The following GSE1 variants were observed in gnomAD, a reference collection of about 807,000 sequenced individuals.
GSE1 encodes Gse1 coiled-coil protein, also known as genetic suppressor element 1.
GSE1 carries 32 observed loss-of-function variants against 112.6 expected under a neutral mutation model. The observed-to-expected ratio is 0.28, with a 90% CI of 0.21 to 0.38. GSE1 has a LOEUF of 0.38. GSE1 is among the 10% of genes least tolerant of loss of function. GSE1 has a pLI of 1.00. For synonymous variants in GSE1, 1,115 were observed against 735.6 expected (o/e 1.52, Z -8.35); for missense variants, 2,348 against 1,699.2 (o/e 1.38, Z -6.71).
At chr16:85,570,347 C>T (rs1039186330) in intron 1 of GSE1, among the ~76,000 whole-genome samples, 4 of 152,172 alleles carry the variant, frequency 2.6e-5, no homozygotes, top group African/African-American at 7.2e-5. Context: ...GCCCTTGACC[C>T]GCCTCTGCCA....
At chr16:85,626,764 C>CGGGATCCGCGGGA (rs1158924621) in intron 1 of GSE1, among the ~76,000 whole-genome samples, 8 of 151,950 alleles carry the variant, frequency 5.3e-5, no homozygotes, top group African/African-American at 1.7e-4. Flanking sequence ...GCAGTAATTA[C>CGGGATCCGCGGGA]GGGATCCGCG....
intron 2 of GSE1, among the ~76,000 whole-genome samples, chr16:85,463,580 C>T (rs1045686403): frequency 2.0e-5 from 3 of 152,192 alleles, no homozygotes; most frequent in Non-Finnish European, 4.4e-5. Context: ...GGACTTCGTG[C>T]CCTCTTGCTT....
At chr16:85,328,067 C>T (rs751519058) in intron 1 of GSE1, among the ~76,000 whole-genome samples, 2 of 152,254 alleles carry the variant, frequency 1.3e-5, no homozygotes, top group South Asian at 2.1e-4. Context: ...GGCCTCTCCT[C>T]CTTATGTTGG....
intron 1 of GSE1, among the ~76,000 whole-genome samples, chr16:85,174,070 G>C (rs775091555): frequency 6.6e-6 from 1 of 152,214 alleles, no homozygotes; most frequent in Non-Finnish European, 1.5e-5. Context: ...CAGCTGCCTG[G>C]AGGAGGTGGA....
At chr16:85,349,130 T>A (rs551897676) in intron 1 of GSE1, among the ~76,000 whole-genome samples, 1 of 152,318 alleles carries the variant, frequency 6.6e-6, no homozygotes. Flanking sequence ...CTAATAACTT[T>A]CCAATTACAC....
intron 1 of GSE1, among the ~76,000 whole-genome samples, chr16:85,206,372 A>G (rs911487718): frequency 6.6e-5 from 10 of 152,152 alleles, no homozygotes; most frequent in Admixed American, 6.5e-4. Context: ...CTGCCCTTTG[A>G]GAAGCCTTGT....
At chr16:85,274,293 G>T (rs1333998873) in intron 1 of GSE1, among the ~76,000 whole-genome samples, 1 of 152,084 alleles carries the variant, frequency 6.6e-6, no homozygotes, top group Non-Finnish European at 1.5e-5. Flanking sequence ...GCTGAGGCAG[G>T]AGAATCGCTT....
chr16:85,643,837 C>T (rs2050637866), intron 2 of GSE1, among the ~76,000 whole-genome samples: 1 of 152,136 alleles, frequency 6.6e-6, no homozygotes, highest in South Asian at 2.1e-4. Context: ...CCCAACTTTT[C>T]CCCTGGGCAG....
chr16:85,355,864 A>C (rs928816757), intron 1 of GSE1, among the ~76,000 whole-genome samples: 2 of 151,978 alleles, frequency 1.3e-5, no homozygotes, highest in African/African-American at 4.8e-5. Flanking sequence ...CTACTAAAGA[A>C]ACAAAAAACA....
intron 1 of GSE1, among the ~76,000 whole-genome samples, chr16:85,332,897 A>AC (rs942507826): frequency 2.0e-5 from 3 of 149,932 alleles, no homozygotes; most frequent in African/African-American, 7.4e-5. Flanking sequence ...CCACCTCAGA[A>AC]CCCCCCTTTA....
chr16:85,611,556 C>G, upstream of GSE1: 2 of 800,242 alleles, frequency 2.5e-6, no homozygotes, highest in Non-Finnish European at 3.0e-6. Context: ...CGGCCCGACC[C>G]GGCCTCGCCG....
At chr16:85,466,650 G>A (rs897704282) in intron 2 of GSE1, among the ~76,000 whole-genome samples, 2 of 151,942 alleles carry the variant, frequency 1.3e-5, no homozygotes, top group African/African-American at 4.8e-5. Flanking sequence ...TAAGGAAAGC[G>A]TGCAGAGTTT....
chr16:85,404,169 CGGATAAT>C (rs2048193638), intron 2 of GSE1, among the ~76,000 whole-genome samples: 2 of 96,764 alleles, frequency 2.1e-5, no homozygotes, highest in Admixed American at 9.1e-5. Flanking sequence ...CAGGGCCCCC[CGGATAAT>C]CCTCACCGTT....
At chr16:85,497,870 C>T (rs534923179) in intron 2 of GSE1, among the ~76,000 whole-genome samples, 1 of 152,292 alleles carries the variant, frequency 6.6e-6, no homozygotes, top group South Asian at 2.1e-4. Flanking sequence ...CCACAGCCTC[C>T]CTGGGAGGGT....
At chr16:85,454,822 C>T (rs188435702) in intron 2 of GSE1, among the ~76,000 whole-genome samples, 382 of 152,228 alleles carry the variant, frequency 2.5e-3, no homozygotes, top group African/African-American at 8.8e-3. Context: ...TTTCTTAGAA[C>T]GGCACTCCTC....
chr16:85,408,843 C>T (rs1404675508), intron 2 of GSE1, among the ~76,000 whole-genome samples: 1 of 51,784 alleles, frequency 1.9e-5, no homozygotes, highest in African/African-American at 9.1e-5. Context: ...CTGTTACACT[C>T]AGGCCCCCCT....
chr16:85,533,503 A>C (rs1312685207), intron 2 of GSE1, among the ~76,000 whole-genome samples: 2 of 152,212 alleles, frequency 1.3e-5, no homozygotes, highest in Non-Finnish European at 2.9e-5. Flanking sequence ...GTAGTACCTA[A>C]AAATGACTCA....
chr16:85,613,932 C>T (rs1031784981), intron 1 of GSE1, among the ~76,000 whole-genome samples: 3 of 150,290 alleles, frequency 2.0e-5, no homozygotes, highest in Admixed American at 6.6e-5. Context: ...CCCTCCCCGA[C>T]CCCTTGTCTC....
intron 1 of GSE1, among the ~76,000 whole-genome samples, chr16:85,354,850 G>T (rs1394877959): frequency 2.0e-5 from 3 of 152,256 alleles, no homozygotes; most frequent in Non-Finnish European, 2.9e-5. Context: ...TTCCTGAGAT[G>T]ACTCAGGGCA....
Sources: allele counts gnomAD v4.1 joint callset (sites outside exome capture counted in the v4.1 genomes callset), GRCh38; gene constraint gnomAD v4.1.1; transcripts MANE v1.5; gene names NCBI Gene and HGNC (gene_info 2026-07-23, HGNC 2026-07-21).